Variants in ALPK1 observed in about 807,000 individuals in gnomAD.
ALPK1 encodes the protein alpha-protein kinase 1.
ALPK1 carries 110 observed loss-of-function variants against 120.6 expected under a neutral mutation model. The observed-to-expected ratio is 0.91, with a 90% CI of 0.78 to 1.07. The LOEUF (loss-of-function observed/expected upper bound fraction) is 1.07. ALPK1 is among the 50% of genes least tolerant of loss of function. The pLI is 0.00. For synonymous variants in ALPK1, 582 were observed against 560.3 expected (o/e 1.04, Z -0.55); for missense variants, 1,498 against 1,483.9 (o/e 1.01, Z -0.16).
At position 112,441,106 on chromosome 4, in the gene ALPK1, G is replaced by T. The variant is rs1728845059; in HGVS notation, c.3727+1G>T. The stretch of plus-strand genomic sequence containing the variant: ...ACTAGACCTTCAATGGAGAAACCAT[G>T]TAAGTCATAGGCTGTATGGATTGGT... On this transcript the variant is annotated splice_donor_variant, in intron 15 of 15. Coordinates refer to ENST00000650871, the MANE Select transcript of ALPK1 (RefSeq NM_025144.4). LOFTEE classifies it high-confidence loss of function. 2 of 1,613,838 alleles carry T rather than the reference G, an allele frequency of 1.2e-6. No homozygotes were observed. The highest frequency in any genetic ancestry group is 1.7e-6 in the Non-Finnish European group (2 of 1,179,882).
chr4:112,338,930 C>A (rs957136113), intron 2 of ALPK1, among the ~76,000 whole-genome samples: 1 of 152,190 alleles, frequency 6.6e-6, no homozygotes, highest in Non-Finnish European at 1.5e-5. Flanking sequence ...AGTGGGCAAA[C>A]CCATTTAACA....
intron 12 of ALPK1, among the ~76,000 whole-genome samples, chr4:112,436,263 A>G (rs184292507): frequency 2.0e-5 from 3 of 150,606 alleles, no homozygotes; most frequent in African/African-American, 4.9e-5. Context: ...TGCTAATTCA[A>G]TTAATCTTCA....
rs34345428 is a variant in ALPK1 at position 112,382,289 on chromosome 4, C to CTTTTT, written c.122-92_122-88dup. 3.3e-4 allele frequency: 221 copies of CTTTTT among 671,286 alleles called. 2 individuals carry two copies. The highest frequency in any genetic ancestry group is 9.8e-4 in the South Asian group (46 of 46,812). The allele number at this position is 671,286 out of a possible 1,614,324, so 41.6% of individuals were successfully genotyped here. ...CAAGAGGCAGGGAAAAGGTTTTTCT[C>CTTTTT]TTTTTTTTTTTTTTTTTTTTTGCCA... On this transcript the variant is annotated intron_variant, in intron 3 of 15. Coordinates refer to ENST00000650871, the MANE Select transcript of ALPK1 (RefSeq NM_025144.4).
chr4:112,324,985 G>C (rs1231304661), intron 2 of ALPK1, among the ~76,000 whole-genome samples: 4 of 132,134 alleles, frequency 3.0e-5, no homozygotes, highest in Non-Finnish European at 4.9e-5. Context: ...GGGGGGGGGG[G>C]GCAAATAGAG....
chr4:112,326,891 G>A (rs1729140828), intron 2 of ALPK1, among the ~76,000 whole-genome samples: 1 of 152,208 alleles, frequency 6.6e-6, no homozygotes, highest in Admixed American at 6.5e-5. Flanking sequence ...AAGAGGAAGA[G>A]TGGGTTACAG....
intron 4 of ALPK1, among the ~76,000 whole-genome samples, chr4:112,402,474 G>A (rs1420221494): frequency 1.3e-5 from 2 of 152,210 alleles, no homozygotes; most frequent in Middle Eastern, 3.2e-3. Flanking sequence ...TCAATCATCT[G>A]TGTATCGAAA....
chr4:112,335,231 C>T (rs1293149967), intron 2 of ALPK1, among the ~76,000 whole-genome samples: 2 of 150,560 alleles, frequency 1.3e-5, no homozygotes, highest in African/African-American at 2.5e-5. Context: ...ACTCCAGCCT[C>T]CAGCCTGGGC....
At chr4:112,332,835 C>T (rs961117037) in intron 2 of ALPK1, among the ~76,000 whole-genome samples, 2 of 152,172 alleles carry the variant, frequency 1.3e-5, no homozygotes, top group African/African-American at 4.8e-5. Flanking sequence ...AGCTCAGAGA[C>T]AATTCCAATA....
intron 2 of ALPK1, among the ~76,000 whole-genome samples, chr4:112,326,946 G>A (rs1448072988): frequency 2.6e-5 from 4 of 152,198 alleles, no homozygotes; most frequent in Non-Finnish European, 2.9e-5. Flanking sequence ...ACGTGGTGGT[G>A]CAGGAGGCTT....
At chr4:112,321,697 G>A (rs1728873800) in intron 2 of ALPK1, among the ~76,000 whole-genome samples, 1 of 151,872 alleles carries the variant, frequency 6.6e-6, no homozygotes, top group Non-Finnish European at 1.5e-5. Context: ...ATAGATTTTG[G>A]GACAGTGGAT....
chr4:112,435,411 T>C (rs1734747978), intron 12 of ALPK1, 110 bp downstream of exon 12: 3 of 972,554 alleles, frequency 3.1e-6, no homozygotes, highest in South Asian at 3.5e-5. Flanking sequence ...GGCCAAAATA[T>C]ATTTCCAGAT....
In ALPK1 at chr4:112,299,114, C is replaced by A. The variant is rs1370746259; in HGVS notation, c.-153+1645C>A. The stretch of plus-strand genomic sequence containing the variant: ...GTATTTTGTATTGTATTTGTTGCCT[C>A]TCTATATGGGGGAGTCTTTGTTTCT... On this transcript the variant is annotated intron_variant, in intron 1 of 15. Coordinates refer to ENST00000650871, the MANE Select transcript of ALPK1 (RefSeq NM_025144.4). Among the ~76,000 whole-genome samples the A allele has an allele frequency of 2.6e-5, 4 of 151,830 alleles. No homozygotes were observed. In the East Asian group the frequency reaches 7.7e-4, roughly 29 times the overall value.
intron 4 of ALPK1, among the ~76,000 whole-genome samples, chr4:112,409,078 T>A (rs1377848623): frequency 2.0e-5 from 3 of 152,218 alleles, no homozygotes; most frequent in African/African-American, 7.2e-5. Context: ...ACTTTCTTCC[T>A]ATCCTTCAAC....
Position 112,305,440 on chromosome 4 carries a change from T to C in ALPK1, c.-153+7971T>C, listed in dbSNP as rs372021250. The stretch of plus-strand genomic sequence containing the variant: ...TTTTATTTCATTGAGCAGTGGTTTG[T>C]AGTTCTCCTTGAAGAGGTCCTTCAC... On this transcript the variant is annotated intron_variant, in intron 1 of 15. Coordinates refer to ENST00000650871, the MANE Select transcript of ALPK1 (RefSeq NM_025144.4). Among the ~76,000 whole-genome samples, 11 of 152,076 alleles carry C rather than the reference T, an allele frequency of 7.2e-5. 1 individual carries two copies. The East Asian group carries it at 1.9e-3, about 27-fold the overall frequency.
rs942514699 is a variant in ALPK1, at chr4:112,377,659, CCT to C, written c.-100-14_-100-13del. On this transcript the variant is annotated splice_polypyrimidine_tract_variant and intron_variant, in intron 2 of 15. Transcript: ENST00000650871. ...ATGATGCTTCAGTTAATCATCTTTC[CCT>C]CTCTTTTGTTCACCAGGTACTTCGG... 6.1e-5 allele frequency: 59 copies of C among 962,520 alleles called. No homozygotes were observed. Among genetic ancestry groups the C allele is most frequent in the Non-Finnish European group, 8.4e-5 (57 of 679,310 alleles). 59.6% of individuals were successfully genotyped at this position (962,520 alleles called of 1,614,324 possible). A position where few individuals can be genotyped will look rare whatever the true frequency, so the allele number is the denominator to read the frequency against.
intron 4 of ALPK1, among the ~76,000 whole-genome samples, chr4:112,390,785 T>A (rs756642159): frequency 1.8e-4 from 28 of 152,188 alleles, no homozygotes; most frequent in Non-Finnish European, 4.0e-4. Flanking sequence ...TGGAAGGCAT[T>A]TAAGTAAATG....
At chr4:112,380,391 T>C (rs1731847567) in intron 3 of ALPK1, among the ~76,000 whole-genome samples, 1 of 152,198 alleles carries the variant, frequency 6.6e-6, no homozygotes, top group Non-Finnish European at 1.5e-5. Context: ...TCAGTAGTCC[T>C]GGACTGCTCA....
intron 2 of ALPK1, among the ~76,000 whole-genome samples, chr4:112,354,977 T>C (rs1239870270): frequency 6.6e-6 from 1 of 152,080 alleles, no homozygotes; most frequent in Non-Finnish European, 1.5e-5. Context: ...AACAGAACTG[T>C]TGAGATTTTG....
intron 3 of ALPK1, among the ~76,000 whole-genome samples, chr4:112,380,424 T>G (rs986441199): frequency 6.6e-6 from 1 of 152,154 alleles, no homozygotes; most frequent in Admixed American, 6.5e-5. Flanking sequence ...GGTGATAATT[T>G]CAGTGTGATA....
Sources: allele counts gnomAD v4.1 joint callset (sites outside exome capture counted in the v4.1 genomes callset), GRCh38; gene constraint gnomAD v4.1.1; transcripts MANE v1.5; gene names NCBI Gene and HGNC (gene_info 2026-07-23, HGNC 2026-07-21).